ESF1: variants seen among roughly 807,000 people sequenced by gnomAD.
The protein encoded by ESF1 is ESF1 homolog.
A neutral mutation model predicts 92.0 loss-of-function variants in ESF1; 58 were observed. That is an observed-to-expected ratio of 0.63 (90% CI 0.51 to 0.78). The LOEUF (loss-of-function observed/expected upper bound fraction) is 0.78, where lower values mean the gene tolerates loss of function less well. Ranked by LOEUF, ESF1 falls within the 30% of genes least tolerant of loss-of-function variation. The pLI is 0.00. For synonymous variants in ESF1, 321 were observed against 313.7 expected (o/e 1.02, Z -0.24); for missense variants, 922 against 989.1 (o/e 0.93, Z 0.91).
intron 13 of ESF1, 139 bp downstream of exon 13, chr20:13,717,229 G>C: frequency 5.8e-6 from 6 of 1,027,018 alleles, no homozygotes; most frequent in Non-Finnish European, 8.5e-6. Context: ...AAAAGTGTTG[G>C]GATTATAGGC....
intron 9 of ESF1, among the ~76,000 whole-genome samples, chr20:13,748,411 C>CAT (rs143814399): frequency 0.035 from 4,821 of 139,524 alleles, 114 homozygotes; most frequent in Non-Finnish European, 0.044. Context: ...TATATATACA[C>CAT]ATATATATAC....
At chr20:13,774,245 G>C (rs1979821118) in intron 4 of ESF1, among the ~76,000 whole-genome samples, 1 of 149,180 alleles carries the variant, frequency 6.7e-6, no homozygotes, top group African/African-American at 2.5e-5. Context: ...TATTTAAACA[G>C]AATAATACAG....
chr20:13,729,252 G>A (rs1313776605), intron 10 of ESF1, among the ~76,000 whole-genome samples: 7 of 152,170 alleles, frequency 4.6e-5, no homozygotes, highest in Non-Finnish European at 8.8e-5. Context: ...GCGAGACTCC[G>A]TCTCAAAACA....
At chr20:13,778,644 C>CCA (rs1393666810) in intron 2 of ESF1, among the ~76,000 whole-genome samples, 4 of 152,062 alleles carry the variant, frequency 2.6e-5, no homozygotes, top group African/African-American at 9.7e-5. Flanking sequence ...GGTACACATA[C>CCA]CACACTTTGG....
intron 12 of ESF1, 100 bp from the exon 13 acceptor site, chr20:13,717,614 C>G: frequency 7.5e-7 from 1 of 1,331,386 alleles, no homozygotes; most frequent in South Asian, 1.4e-5. Context: ...GAAAGGAAGA[C>G]TCAATCACTA....
At chr20:13,776,998 G>A (rs902141104) in intron 2 of ESF1, among the ~76,000 whole-genome samples, 10 of 152,176 alleles carry the variant, frequency 6.6e-5, no homozygotes, top group Non-Finnish European at 1.0e-4. Context: ...TTTCATAAAA[G>A]CAATGGGAAG....
intron 9 of ESF1, among the ~76,000 whole-genome samples, chr20:13,749,085 A>C (rs1305784228): frequency 6.6e-6 from 1 of 151,596 alleles, no homozygotes; most frequent in African/African-American, 2.4e-5. Context: ...TTTTTTTTTG[A>C]GATGGAGTCT....
intron 10 of ESF1, among the ~76,000 whole-genome samples, chr20:13,731,245 A>G (rs1486613639): frequency 6.6e-6 from 1 of 152,198 alleles, no homozygotes. Context: ...CTGATAGCTT[A>G]ACACTTGTGG....
rs1221686342 is a variant in ESF1 at position 13,783,106 on chromosome 20, C to T, written c.35G>A (p.Arg12Gln). ...CGGGTCCTTTGCAACCCGTCTAAAC[C>T]GCTGGTCACTCATTATTTCTTGTTT... is the stretch of plus-strand genomic sequence containing the variant. ...SSKQEIMSDQ[R>Q]FRRVAKDPRF... Residue 12 changes from arginine (R) to glutamine (Q), a missense_variant, in exon 2 of 14, where the codon CGG becomes CAG. By Grantham distance (43) the Arg-to-Gln change is conservative. Transcript: ENST00000617257. The T allele has an allele frequency of 1.9e-6, 3 of 1,607,356 alleles. No homozygotes were observed. The highest frequency in any genetic ancestry group is 2.6e-6 in the Non-Finnish European group (3 of 1,174,774).
Position 13,770,037 on chromosome 20 carries a change from A to G in ESF1, c.1404-16T>C. ...TGGTATAAACCTAAGAAGTAAAGAA[A>G]AAAAATTTATTTAAAATACGCTGCA... is the stretch of plus-strand genomic sequence containing the variant. On this transcript the variant is annotated splice_polypyrimidine_tract_variant and intron_variant, in intron 6 of 13. Coordinates refer to ENST00000617257, the MANE Select transcript of ESF1 (RefSeq NM_001276380.2). The G allele has an allele frequency of 1.3e-6, 2 of 1,499,188 alleles. No individual in the cohort carries two copies. Among genetic ancestry groups the G allele is most frequent in the South Asian group, 2.4e-5 (2 of 83,858 alleles). The allele number at this position is 1,499,188 out of a possible 1,614,324, so 92.9% of individuals were successfully genotyped here.
chr20:13,715,415 G>A (rs893288352), intron 13 of ESF1, among the ~76,000 whole-genome samples: 7 of 152,028 alleles, frequency 4.6e-5, no homozygotes, highest in African/African-American at 1.7e-4. Flanking sequence ...GAATTATAGT[G>A]GGCCATACAT....
At chr20:13,737,215 A>C (rs533965661) in intron 9 of ESF1, among the ~76,000 whole-genome samples, 78 of 152,342 alleles carry the variant, frequency 5.1e-4, no homozygotes, top group African/African-American at 1.8e-3. Flanking sequence ...TAAAAATAAC[A>C]TCAATAATCC....
intron 9 of ESF1, among the ~76,000 whole-genome samples, chr20:13,759,378 A>G (rs1334375522): frequency 6.6e-6 from 1 of 152,234 alleles, no homozygotes; most frequent in East Asian, 1.9e-4. Flanking sequence ...AGAATTAAAC[A>G]TTCAAAAGAA....
chr20:13,765,935 T>C (rs147340554), intron 8 of ESF1, among the ~76,000 whole-genome samples: 159 of 152,246 alleles, frequency 1.0e-3, no homozygotes, highest in African/African-American at 3.6e-3. Context: ...ATATAAAAAG[T>C]GGTATTTCTG....
Position 13,759,830 on chromosome 20 carries a change from C to G in ESF1, c.1690G>C (p.Glu564Gln). ...TGACTTTTCTTTGTTTTCCCATCTT[C>G]TTCTACATTGACTCCATCATCACCT... ...LQGDDGVNVE[E>Q]DGKTKKSQKD... Residue 564 changes from glutamate to glutamine, a missense_variant, in exon 9 of 14, where the codon GAA becomes CAA. Coordinates refer to ENST00000617257, the MANE Select transcript of ESF1 (RefSeq NM_001276380.2). The G allele has an allele frequency of 6.3e-7, 1 of 1,597,822 alleles. No individual in the cohort carries two copies. Among genetic ancestry groups the G allele is most frequent in the Non-Finnish European group, 8.5e-7 (1 of 1,175,650 alleles).
Position 13,733,029 on chromosome 20 carries a change from G to A in ESF1, c.1950+692C>T, listed in dbSNP as rs1476308399. Among the ~76,000 whole-genome samples, 5 of 152,054 alleles carry A rather than the reference G, an allele frequency of 3.3e-5. No homozygotes were observed. In the East Asian group the frequency reaches 7.7e-4, roughly 24 times the overall value. On this transcript the variant is annotated intron_variant, in intron 10 of 13. Coordinates refer to ENST00000617257, the MANE Select transcript of ESF1 (RefSeq NM_001276380.2). ...GTACCTCTGCCTCCTGGGTTCAAGCGATTCTCCTAATTCAGCCTCCCAAGT... is the reference window on the plus strand; with the variant it reads ...GTACCTCTGCCTCCTGGGTTCAAGCAATTCTCCTAATTCAGCCTCCCAAGT...
chr20:13,761,348 C>G (rs1044304407), intron 8 of ESF1, among the ~76,000 whole-genome samples: 1 of 150,782 alleles, frequency 6.6e-6, no homozygotes, highest in Non-Finnish European at 1.5e-5. Context: ...CCAAATCCCC[C>G]TCTGCGAGAA....
chr20:13,756,104 T>C (rs1466882317), intron 9 of ESF1, among the ~76,000 whole-genome samples: 1 of 152,218 alleles, frequency 6.6e-6, no homozygotes, highest in East Asian at 1.9e-4. Context: ...TTCACTGAAA[T>C]ACACGTCATG....
intron 8 of ESF1, among the ~76,000 whole-genome samples, chr20:13,763,925 G>A (rs1049796575): frequency 1.3e-5 from 2 of 152,152 alleles, no homozygotes; most frequent in African/African-American, 4.8e-5. Context: ...ATACTGTTAA[G>A]GAGTAGTATT....
Sources: gnomAD v4.1 joint callset for allele counts (sites outside exome capture counted in the v4.1 genomes callset) on GRCh38, gnomAD v4.1.1 for gene constraint, MANE v1.5 for transcripts, NCBI Gene and HGNC (gene_info 2026-07-23, HGNC 2026-07-21) for gene names.